The following EXT1 variants were observed in gnomAD, a reference collection of about 807,000 sequenced individuals.
The protein encoded by EXT1 is exostosin glycosyltransferase 1.
EXT1 carries 20 observed loss-of-function variants against 82.5 expected under a neutral mutation model. The observed-to-expected ratio is 0.24, with a 90% CI of 0.17 to 0.35. The LOEUF (loss-of-function observed/expected upper bound fraction) is 0.35. EXT1 is among the 10% of genes least tolerant of loss of function. The pLI is 1.00. For missense variants in EXT1, 757 were observed against 936.5 expected, an observed-to-expected ratio of 0.81 and a Z score of 2.50; for synonymous variants, 348 against 350.8, an observed-to-expected ratio of 0.99 and a Z score of 0.09.
At chr8:117,840,979 C>T (rs373590338) in intron 1 of EXT1, among the ~76,000 whole-genome samples, 12 of 152,262 alleles carry the variant, frequency 7.9e-5, no homozygotes, top group East Asian at 3.9e-4. Context: ...GAAGGTAAAA[C>T]GGTGCAGCCA....
In EXT1 at chr8:117,804,380, A is replaced by G. The variant is rs536851017; in HGVS notation, c.2055+342T>C. On this transcript the variant is annotated intron_variant, in intron 10 of 10. Transcript: ENST00000378204. The stretch of plus-strand genomic sequence containing the variant: ...CTGGGACTCTCCAGCCTCTAGAACT[A>G]TGAAAAATAAATGTCTGTTATTTAA... 2.0e-5 allele frequency among the ~76,000 whole-genome samples: 3 copies of G among 152,350 alleles called. No individual in the cohort carries two copies. The East Asian group carries it at 5.8e-4, about 29-fold the overall frequency.
At chr8:118,011,654 T>A (rs2129835960) in intron 1 of EXT1, among the ~76,000 whole-genome samples, 1 of 152,276 alleles carries the variant, frequency 6.6e-6, no homozygotes, top group South Asian at 2.1e-4. Flanking sequence ...TGGAAAGTGA[T>A]CATTTCTGGT....
At chr8:118,097,754 CACTCAAT>C (rs1817647263) in intron 1 of EXT1, among the ~76,000 whole-genome samples, 1 of 152,180 alleles carries the variant, frequency 6.6e-6, no homozygotes, top group Non-Finnish European at 1.5e-5. Context: ...ACACCGTAGG[CACTCAAT>C]AAGTATCTGT....
At chr8:118,079,271 C>T (rs1004185556) in intron 1 of EXT1, among the ~76,000 whole-genome samples, 2 of 152,028 alleles carry the variant, frequency 1.3e-5, no homozygotes, top group Non-Finnish European at 2.9e-5. Context: ...TCAAACAAGC[C>T]GAGCAAATGG....
At chr8:117,804,032 G>C (rs1376407360) in intron 10 of EXT1, among the ~76,000 whole-genome samples, 5 of 152,190 alleles carry the variant, frequency 3.3e-5, no homozygotes, top group African/African-American at 1.2e-4. Flanking sequence ...TGGTTTGCTA[G>C]ACATTAAATA....
At chr8:117,876,742 C>A (rs1458729073) in intron 1 of EXT1, among the ~76,000 whole-genome samples, 4 of 152,110 alleles carry the variant, frequency 2.6e-5, no homozygotes, top group Non-Finnish European at 5.9e-5. Flanking sequence ...AAGACTGACA[C>A]AAAATTAAAC....
intron 1 of EXT1, among the ~76,000 whole-genome samples, chr8:118,041,665 A>AGAAGGGAG (rs1816529486): frequency 8.0e-6 from 1 of 125,128 alleles, no homozygotes; most frequent in African/African-American, 3.1e-5. Context: ...AGAGAGAGAA[A>AGAAGGGAG]GAAGGAAGGA....
intron 1 of EXT1, among the ~76,000 whole-genome samples, chr8:117,891,450 G>A (rs937050708): frequency 6.6e-6 from 1 of 152,158 alleles, no homozygotes; most frequent in African/African-American, 2.4e-5. Flanking sequence ...TTGAGCAGCT[G>A]TAATTGACTA....
intron 1 of EXT1, among the ~76,000 whole-genome samples, chr8:117,989,496 C>A (rs974485304): frequency 6.6e-6 from 1 of 152,130 alleles, no homozygotes; most frequent in Non-Finnish European, 1.5e-5. Context: ...ATGGAGCCTG[C>A]AGTACTCAAT....
intron 1 of EXT1, among the ~76,000 whole-genome samples, chr8:117,986,004 T>A (rs1049260791): frequency 6.6e-6 from 1 of 152,198 alleles, no homozygotes. Context: ...TTGTTTTACA[T>A]AAACCCTAGT....
chr8:117,998,967 C>T (rs1454452084), intron 1 of EXT1, among the ~76,000 whole-genome samples: 2 of 152,166 alleles, frequency 1.3e-5, no homozygotes, highest in East Asian at 1.9e-4. Context: ...GAACATAAGT[C>T]ATGTATAAAC....
chr8:117,810,828 A>G (rs1291121474), intron 8 of EXT1, among the ~76,000 whole-genome samples: 1 of 152,166 alleles, frequency 6.6e-6, no homozygotes, highest in Non-Finnish European at 1.5e-5. Flanking sequence ...GGTCAATGGG[A>G]GTCACCGGCA....
intron 1 of EXT1, among the ~76,000 whole-genome samples, chr8:117,917,202 T>C (rs1363273670): frequency 6.6e-6 from 1 of 152,008 alleles, no homozygotes; most frequent in Non-Finnish European, 1.5e-5. Context: ...GGCTGGGCGC[T>C]GTGGCTCACA....
intron 1 of EXT1, among the ~76,000 whole-genome samples, chr8:118,076,353 A>G (rs1817208237): frequency 6.6e-6 from 1 of 152,232 alleles, no homozygotes; most frequent in African/African-American, 2.4e-5. Flanking sequence ...ATTCTAGAGA[A>G]TGTAGATATA....
In EXT1 at chr8:117,822,615, G is replaced by A; in HGVS notation, c.1285-18C>T. ...TGAATAATCTAGAAAATAAAACATA[G>A]CACACAGTGAGGATGAGATCCTGAT... is the stretch of plus-strand genomic sequence containing the variant. On this transcript the variant is annotated intron_variant, in intron 4 of 10. Coordinates refer to ENST00000378204, the MANE Select transcript of EXT1 (RefSeq NM_000127.3). 1 of 1,610,880 alleles carries A rather than the reference G, an allele frequency of 6.2e-7. No homozygotes were observed.
intron 1 of EXT1, among the ~76,000 whole-genome samples, chr8:117,902,076 G>T (rs917240537): frequency 6.7e-5 from 10 of 150,058 alleles, no homozygotes; most frequent in African/African-American, 1.2e-4. Context: ...ACACACATTA[G>T]CCTAGAGCCT....
At chr8:117,973,835 G>GGAAA (rs1815000715) in intron 1 of EXT1, among the ~76,000 whole-genome samples, 1 of 117,468 alleles carries the variant, frequency 8.5e-6, no homozygotes, top group Non-Finnish European at 1.7e-5. Context: ...GGAAAGGAAA[G>GGAAA]GAAAGGAAAG....
chr8:118,039,726 A>G (rs564147688), intron 1 of EXT1, among the ~76,000 whole-genome samples: 1 of 152,286 alleles, frequency 6.6e-6, no homozygotes, highest in East Asian at 1.9e-4. Flanking sequence ...CATAATTCAT[A>G]AGACATGAAT....
Position 117,900,994 on chromosome 8 carries a change from T to C in EXT1, c.963-63793A>G, listed in dbSNP as rs189781801. Among the ~76,000 whole-genome samples the C allele has an allele frequency of 3.4e-4, 52 of 152,296 alleles. 1 individual carries two copies. Among genetic ancestry groups the C allele is most frequent in the African/African-American group, 1.1e-3 (47 of 41,564 alleles). ...TAAACCCTGTACAAAGTCTCAGTCT[T>C]ACATGAAGCAGAGAGGACTCAGTAA... On this transcript the variant is annotated intron_variant, in intron 1 of 10. Coordinates refer to ENST00000378204, the MANE Select transcript of EXT1 (RefSeq NM_000127.3).
Sources: allele counts gnomAD v4.1 joint callset (sites outside exome capture counted in the v4.1 genomes callset), GRCh38; gene constraint gnomAD v4.1.1; transcripts MANE v1.5; gene names NCBI Gene and HGNC (gene_info 2026-07-23, HGNC 2026-07-21).